C3: variants seen among roughly 807,000 people sequenced by gnomAD.
The protein encoded by C3 is C3 and PZP-like alpha-2-macroglobulin domain-containing protein 1.
Under a neutral mutation model 207.9 loss-of-function variants are expected in C3, and 97 were observed. That is an observed-to-expected ratio of 0.47 (90% CI 0.40 to 0.55). C3 has a LOEUF of 0.55. Among genes scored for constraint, C3 ranks in the 20% least tolerant of loss-of-function variants. C3 has a pLI of 0.00. For missense variants in C3, 1,684 were observed against 2,171.7 expected, an observed-to-expected ratio of 0.78 and a Z score of 4.46; for synonymous variants, 848 against 857.6, an observed-to-expected ratio of 0.99 and a Z score of 0.20.
Position 6,711,048 on chromosome 19 carries a change from A to G in C3, c.1418T>C (p.Val473Ala), listed in dbSNP as rs1021978027. Reference sequence around the variant, plus strand: ...GCGGTCCATTCGCAGGAGGAAGTTGACGTTGAGGGTCTCCCCGGGTCTGAG... The same window carrying G: ...GCGGTCCATTCGCAGGAGGAAGTTGGCGTTGAGGGTCTCCCCGGGTCTGAG... ...TELRPGETLN[V>A]NFLLRMDRAH... Residue 473 changes from valine (V) to alanine (A), a missense_variant, in exon 12 of 41, where the codon GTC (valine) becomes GCC (alanine). Val to Ala is a moderately conservative substitution (Grantham distance 64). Around this residue, in one of 3 missense-constraint regions of C3, gnomAD observed 1,280 missense variants for 1,739.1 expected, o/e 0.74. Transcript: ENST00000245907. 6.2e-7 allele frequency: 1 copy of G among 1,613,964 alleles called. No homozygotes were observed. Among genetic ancestry groups the G allele is most frequent in the Non-Finnish European group, 8.5e-7 (1 of 1,180,010 alleles).
intron 27 of C3, among the ~76,000 whole-genome samples, chr19:6,689,356 C>CTCTCTCTCTCTGT (rs1918107969): frequency 1.1e-4 from 5 of 47,176 alleles, no homozygotes; most frequent in African/African-American, 5.0e-4. Context: ...TCCCTCCCTC[C>CTCTCTCTCTCTGT]CTCCCTCTCT....
chr19:6,685,279 G>C (rs1488479041), intron 29 of C3, 133 bp from the exon 30 acceptor site: 1 of 802,734 alleles, frequency 1.2e-6, no homozygotes, highest in African/African-American at 1.7e-5. Flanking sequence ...AGAGTGCAGG[G>C]GTGATAACTG....
Position 6,711,277 on chromosome 19 carries a change from G to C in C3, c.1270-81C>G, listed in dbSNP as rs141066762. ...AATCCCTGAGACCTGGGAATTGGTG[G>C]CCTTTCTTAACAAAAGGGGCTTTGC... On this transcript the variant is annotated intron_variant, in intron 11 of 40. Transcript: ENST00000245907. 4.0e-5 allele frequency: 47 copies of C among 1,188,528 alleles called. No individual in the cohort carries two copies. In the East Asian group the frequency reaches 1.1e-3, roughly 27 times the overall value. 73.6% of individuals were successfully genotyped at this position (1,188,528 alleles called of 1,614,324 possible).
chr19:6,691,283 C>T (rs1918161808), intron 26 of C3, among the ~76,000 whole-genome samples: 1 of 152,112 alleles, frequency 6.6e-6, no homozygotes, highest in Non-Finnish European at 1.5e-5. Flanking sequence ...GAACTCCTGA[C>T]CTCAGGTGAT....
intron 13 of C3, 79 bp from the exon 14 acceptor site, chr19:6,709,921 G>C: frequency 2.9e-6 from 4 of 1,390,570 alleles, no homozygotes; most frequent in Non-Finnish European, 4.0e-6. Flanking sequence ...TGCTGGGCTA[G>C]AGTGGAAAGA....
chr19:6,679,271 G>T, intron 37 of C3, 63 bp from the exon 38 acceptor site: 1 of 1,508,578 alleles, frequency 6.6e-7, no homozygotes. Flanking sequence ...ACTGCCCATG[G>T]GTGTGGCCAG....
chr19:6,719,482 C>A lies in C3; in HGVS notation c.75-79G>T. On this transcript the variant is annotated intron_variant, in intron 1 of 40. Transcript: ENST00000245907. This position sits in a 1 kb window ranked among gnomAD's most constrained non-coding sequence, Gnocchi z 5.4. ...AGTCCTCACTGGAGTCAGCGCCTGG[C>A]AGGCTGTGTGCCCCAGCCTCTGGTC... The A allele has an allele frequency of 2.3e-6, 3 of 1,327,396 alleles. No individual in the cohort carries two copies. The highest frequency in any genetic ancestry group is 2.1e-6 in the Non-Finnish European group (2 of 933,278). 82.2% of individuals were successfully genotyped at this position (1,327,396 alleles called of 1,614,324 possible).
intron 17 of C3, 100 bp downstream of exon 17, chr19:6,706,976 A>ACCCCC: frequency 1.4e-5 from 3 of 211,960 alleles, no homozygotes; most frequent in South Asian, 4.5e-5. Context: ...GGCCTCCTCC[A>ACCCCC]GCCCCACCCC....
intron 21 of C3, among the ~76,000 whole-genome samples, chr19:6,697,049 T>TAAAAATAA (rs202245108): frequency 2.2e-5 from 2 of 91,514 alleles, no homozygotes; most frequent in Admixed American, 2.6e-4. Context: ...CTCAAAAAAA[T>TAAAAATAA]AAACAAACAA....
Position 6,694,568 on chromosome 19 carries a change from G to T in C3, c.3017C>A (p.Thr1006Asn). The change falls in exon 24 of 41, where the codon ACC (threonine) becomes AAC (asparagine). Residue 1006 changes from threonine to asparagine, a missense_variant. Thr to Asn is a moderately conservative substitution (Grantham distance 65). Around this residue, in one of 3 missense-constraint regions of C3, gnomAD observed 1,280 missense variants for 1,739.1 expected, o/e 0.74. Transcript: ENST00000245907. ...GTTCTGTTCCCCGCAGCCCGAGGGG[G>T]TCACAATGAGGTGCTTCAGCCGTTC... ...DAERLKHLIVTPSGCGEQNMI... is the reference protein window; with the variant it reads ...DAERLKHLIVNPSGCGEQNMI... 6.2e-7 allele frequency: 1 copy of T among 1,614,082 alleles called. No individual in the cohort carries two copies. Among genetic ancestry groups the T allele is most frequent in the Non-Finnish European group, 8.5e-7 (1 of 1,179,984 alleles).
In C3 at chr19:6,697,933, G is replaced by A. The variant is rs116813205; in HGVS notation, c.2441-139C>T. 174 of 699,834 alleles carry A rather than the reference G, an allele frequency of 2.5e-4. No homozygotes were observed. In the African/African-American group the frequency reaches 2.9e-3, roughly 12 times the overall value. 43.4% of individuals were successfully genotyped at this position (699,834 alleles called of 1,614,324 possible). ...CTTTGCTGAAGCCTGTGAACTAAAC[G>A]CTGTCAATGGCGACAAATGACAGAT... On this transcript the variant is annotated intron_variant, in intron 19 of 40. Coordinates refer to ENST00000245907, the MANE Select transcript of C3 (RefSeq NM_000064.4).
intron 14 of C3, among the ~76,000 whole-genome samples, chr19:6,708,683 T>C (rs558557212): frequency 3.7e-5 from 5 of 136,392 alleles, no homozygotes; most frequent in South Asian, 2.4e-4. Flanking sequence ...CTCCTTTCTT[T>C]CCATTCTTTT....
rs1967649389 is a variant in C3 at position 6,700,641 on chromosome 19, ATG to A, written c.2440+1484_2440+1485del. Reference sequence around the variant, plus strand: ...ATATATAATATATGATATATTATATATGTAATATATAATATATGATATATTAT... The same window carrying A: ...ATATATAATATATGATATATTATATATAATATATAATATATGATATATTAT... On this transcript the variant is annotated intron_variant, in intron 19 of 40. Transcript: ENST00000245907. Among the ~76,000 whole-genome samples, 2 of 59,316 alleles carry A rather than the reference ATG, an allele frequency of 3.4e-5. 1 individual carries two copies. Among genetic ancestry groups the A allele is most frequent in the Non-Finnish European group, 5.6e-5 (2 of 35,940 alleles). The allele number at this position is 59,316 out of a possible 152,430, so 38.9% of individuals were successfully genotyped here.
In C3 at chr19:6,678,352, G is replaced by T; in HGVS notation, c.4714+20C>A. The T allele has an allele frequency of 6.2e-7, 1 of 1,614,140 alleles. No individual in the cohort carries two copies. The highest frequency in any genetic ancestry group is 8.5e-7 in the Non-Finnish European group (1 of 1,179,972). On this transcript the variant is annotated intron_variant, in intron 39 of 40. Transcript: ENST00000245907. ...AGGAAGCCAGGGAAGAGCCACGGGA[G>T]GCAGCGTGCTGAGCCTGACCTGACT...
intron 4 of C3, among the ~76,000 whole-genome samples, chr19:6,715,913 C>T (rs1968024856): frequency 6.6e-6 from 1 of 152,126 alleles, no homozygotes; most frequent in Non-Finnish European, 1.5e-5. Context: ...GAGTGAGCCA[C>T]TGCACCTGGC....
chr19:6,680,081 T>G (rs1292861629), intron 36 of C3, 77 bp downstream of exon 36: 2 of 835,550 alleles, frequency 2.4e-6, no homozygotes, highest in Admixed American at 3.4e-5. Context: ...CATTCTCAGA[T>G]CCCCACAATT....
chr19:6,696,288 G>T (rs1967531670), intron 23 of C3, 91 bp downstream of exon 23: 1 of 754,434 alleles, frequency 1.3e-6, no homozygotes, highest in East Asian at 2.7e-5. Flanking sequence ...GGAAGAGAAA[G>T]GTGCGGGTTA....
chr19:6,685,257 A>C, intron 29 of C3, 111 bp from the exon 30 acceptor site: 1 of 964,434 alleles, frequency 1.0e-6, no homozygotes, highest in African/African-American at 1.6e-5. Flanking sequence ...AATGTGGCCT[A>C]GAACCTACTA....
intron 27 of C3, 24 bp from the exon 28 acceptor site, chr19:6,686,926 T>C: frequency 6.2e-7 from 1 of 1,613,596 alleles, no homozygotes; most frequent in Non-Finnish European, 8.5e-7. Flanking sequence ...GATCAGATTC[T>C]CCGGTCATGT....
Sources: gnomAD v4.1 joint callset for allele counts (sites outside exome capture counted in the v4.1 genomes callset) on GRCh38, gnomAD v4.1.1 for gene constraint, gnomAD v4.1.1 regional missense constraint, Gnocchi (gnomAD v3.1) non-coding constraint, MANE v1.5 for transcripts, NCBI Gene and HGNC (gene_info 2026-07-23, HGNC 2026-07-21) for gene names.